Variants in PCLO observed in about 807,000 individuals in gnomAD.
PCLO encodes protein piccolo.
Under a neutral mutation model 427.5 loss-of-function variants are expected in PCLO, and 82 were observed. The observed-to-expected ratio is 0.19, with a 90% CI of 0.16 to 0.23. The LOEUF (loss-of-function observed/expected upper bound fraction) is 0.23, where lower values mean the gene tolerates loss of function less well. Ranked by LOEUF, PCLO falls within the 10% of genes least tolerant of loss-of-function variation. The pLI, the probability that PCLO is intolerant of heterozygous loss-of-function variation, is 1.00. For synonymous variants in PCLO, 2,357 were observed against 2,155.4 expected, an observed-to-expected ratio of 1.09 and a Z score of -2.59; for missense variants, 6,239 against 6,115.9, an observed-to-expected ratio of 1.02 and a Z score of -0.67.
Position 82,950,813 on chromosome 7 carries a change from C to T in PCLO, c.9775G>A (p.Glu3259Lys). 6.2e-7 allele frequency: 1 copy of T among 1,613,668 alleles called. No individual in the cohort carries two copies. Among genetic ancestry groups the T allele is most frequent in the East Asian group, 2.2e-5 (1 of 44,850 alleles). The change falls in exon 6 of 25, where the codon GAG (glutamate) becomes AAG (lysine). Residue 3259 changes from glutamate to lysine, a missense_variant. Glu to Lys is a moderately conservative substitution (Grantham distance 56). Transcript: ENST00000333891. ...AGGTGTTGCTTCATAGACTGCAGCTCCTCCAACTTTTTCTGAACCATGATC... is the reference window on the plus strand; with the variant it reads ...AGGTGTTGCTTCATAGACTGCAGCTTCTCCAACTTTTTCTGAACCATGATC... The part of the protein sequence containing the change: ...EKIMVQKKLE[E>K]LQSMKQHLLF...
At position 83,145,871 on chromosome 7, in the gene PCLO, G is replaced by A. The variant is rs1791982227; in HGVS notation, c.1893+8877C>T. 2.0e-5 allele frequency among the ~76,000 whole-genome samples: 3 copies of A among 152,100 alleles called. No homozygotes were observed. In the South Asian group the frequency reaches 6.2e-4, roughly 31 times the overall value. ...ACAAATAAGTAGCTGATCTAGGTAGGATTCATACCCACATTGCCCAACTTT... is the reference window on the plus strand; with the variant it reads ...ACAAATAAGTAGCTGATCTAGGTAGAATTCATACCCACATTGCCCAACTTT... On this transcript the variant is annotated intron_variant, in intron 2 of 24. Transcript: ENST00000333891.
At chr7:82,822,340 A>T in intron 20 of PCLO, 155 bp downstream of exon 20, 1 of 1,475,708 alleles carries the variant, frequency 6.8e-7, no homozygotes, top group Non-Finnish European at 9.0e-7. Context: ...GAGCATATTA[A>T]TGTATTTATA....
In PCLO at chr7:83,097,525, AAT is replaced by A. The variant is rs796138219; in HGVS notation, c.3300+36723_3300+36724del. ...TGACAGAGCAAGACCCAGTCTCAAA[AAT>A]ATATATATATATATAATATATAAAA... On this transcript the variant is annotated intron_variant, in intron 3 of 24. Coordinates refer to ENST00000333891, the MANE Select transcript of PCLO (RefSeq NM_033026.6). Among the ~76,000 whole-genome samples, 554 of 145,468 alleles carry A rather than the reference AAT, an allele frequency of 3.8e-3. 5 individuals are homozygous for A. The highest frequency in any genetic ancestry group is 0.011 in the Middle Eastern group (3 of 276).
chr7:83,126,203 A>G (rs1037881375), intron 3 of PCLO, among the ~76,000 whole-genome samples: 1 of 152,214 alleles, frequency 6.6e-6, no homozygotes, highest in Non-Finnish European at 1.5e-5. Flanking sequence ...GATAGACAGT[A>G]GAATGATGGT....
intron 2 of PCLO, among the ~76,000 whole-genome samples, chr7:83,140,678 T>C (rs952119811): frequency 5.9e-5 from 9 of 152,218 alleles, no homozygotes; most frequent in African/African-American, 2.2e-4. Flanking sequence ...TCAAGATGCA[T>C]GCCATTCTCC....
chr7:82,867,540 T>A (rs1462866224), intron 10 of PCLO, among the ~76,000 whole-genome samples: 4 of 151,956 alleles, frequency 2.6e-5, no homozygotes, highest in African/African-American at 9.7e-5. Flanking sequence ...AAAAGAGAGG[T>A]TAGCATCCTT....
intron 18 of PCLO, among the ~76,000 whole-genome samples, chr7:82,825,174 CTTTT>C: frequency 6.6e-6 from 1 of 151,492 alleles, no homozygotes; most frequent in East Asian, 1.9e-4. Flanking sequence ...TAATTGGCAA[CTTTT>C]TTTTTCTTAG....
intron 3 of PCLO, among the ~76,000 whole-genome samples, chr7:83,076,136 A>C (rs1314060675): frequency 2.0e-5 from 3 of 151,458 alleles, no homozygotes; most frequent in African/African-American, 7.3e-5. Flanking sequence ...AAAAAAAAAA[A>C]AACTCATACC....
At chr7:82,912,777 G>T (rs1794354019) in intron 7 of PCLO, among the ~76,000 whole-genome samples, 1 of 151,974 alleles carries the variant, frequency 6.6e-6, no homozygotes. Context: ...CTACATATAT[G>T]TAAGTGCCAC....
At chr7:82,911,260 G>A (rs1794313379) in intron 7 of PCLO, among the ~76,000 whole-genome samples, 1 of 152,054 alleles carries the variant, frequency 6.6e-6, no homozygotes, top group South Asian at 2.1e-4. Context: ...CCAAGAGCAA[G>A]CAGATTAAAT....
chr7:82,984,795 C>T (rs984089564), intron 3 of PCLO, among the ~76,000 whole-genome samples: 11 of 151,922 alleles, frequency 7.2e-5, no homozygotes, highest in Admixed American at 2.0e-4. Context: ...CTGCTTCTTG[C>T]TACTTCTGAA....
At chr7:83,146,708 T>C (rs1792003441) in intron 2 of PCLO, among the ~76,000 whole-genome samples, 1 of 152,002 alleles carries the variant, frequency 6.6e-6, no homozygotes, top group African/African-American at 2.4e-5. Context: ...GTGATTCCCC[T>C]GCCTCACTCA....
At chr7:82,820,623 G>T (rs1791768957) in intron 20 of PCLO, 1 of 1,229,914 alleles carries the variant, frequency 8.1e-7, no homozygotes, top group Non-Finnish European at 1.0e-6. Context: ...ACCATGTAAA[G>T]GTAAATGAGT....
intron 20 of PCLO, among the ~76,000 whole-genome samples, chr7:82,807,625 C>T (rs769855048): frequency 7.2e-5 from 11 of 151,900 alleles, no homozygotes; most frequent in East Asian, 1.9e-4. Context: ...TTTTCAATTT[C>T]GTCGGTAGCA....
chr7:83,044,484 T>G (rs935115710), intron 3 of PCLO, among the ~76,000 whole-genome samples: 4 of 152,180 alleles, frequency 2.6e-5, no homozygotes, highest in African/African-American at 9.7e-5. Flanking sequence ...GGTTAAAATT[T>G]AACAAGAATT....
Position 82,760,730 on chromosome 7 carries a change from T to C in PCLO, c.15197A>G (p.Lys5066Arg). ...ATGTCTGCATACTCTTGTTTTTTTC[T>C]TGATCACCTTTTTTTGGGTAGAAAT... is the stretch of plus-strand genomic sequence containing the variant. ...MNISTQKKVI[K>R]KKTRVCRHDR... Residue 5066 changes from lysine to arginine, a missense_variant, in exon 24 of 25, where the codon AAG becomes AGG. This residue lies in a region of PCLO where 877 missense variants were observed against 925.5 expected (regional missense o/e 0.95). Coordinates refer to ENST00000333891, the MANE Select transcript of PCLO (RefSeq NM_033026.6). 1.3e-6 allele frequency: 2 copies of C among 1,564,176 alleles called. No homozygotes were observed. Among genetic ancestry groups the C allele is most frequent in the Non-Finnish European group, 1.8e-6 (2 of 1,138,520 alleles).
chr7:82,896,152 T>C (rs1793899023), intron 9 of PCLO, among the ~76,000 whole-genome samples: 1 of 151,844 alleles, frequency 6.6e-6, no homozygotes, highest in African/African-American at 2.4e-5. Flanking sequence ...AAACTTACCA[T>C]ACAACCAGAA....
chr7:83,043,277 GA>G (rs530543509), intron 3 of PCLO, among the ~76,000 whole-genome samples: 57 of 151,664 alleles, frequency 3.8e-4, no homozygotes, highest in African/African-American at 1.2e-3. Context: ...AAAAACAAAA[GA>G]AAAAAAAGTG....
chr7:83,057,422 C>T (rs1433622423), intron 3 of PCLO, among the ~76,000 whole-genome samples: 23 of 122,462 alleles, frequency 1.9e-4, no homozygotes, highest in South Asian at 3.0e-4. Flanking sequence ...AGTGCAGTGG[C>T]GCAATCTCGG....
Sources: gnomAD v4.1 joint callset for allele counts (sites outside exome capture counted in the v4.1 genomes callset) on GRCh38, gnomAD v4.1.1 for gene constraint, gnomAD v4.1.1 regional missense constraint, MANE v1.5 for transcripts, NCBI Gene and HGNC (gene_info 2026-07-23, HGNC 2026-07-21) for gene names.